The following NDUFAF6 variants were observed in gnomAD, a reference collection of about 807,000 sequenced individuals.
NDUFAF6 encodes NADH:ubiquinone oxidoreductase complex assembly factor 6, also known as NADH dehydrogenase (ubiquinone) complex I, assembly factor 6.
In NDUFAF6, 45 loss-of-function variants were observed where a neutral mutation model predicts 40.8. The ratio of observed to expected loss-of-function variants is 1.10; its 90% confidence interval spans 0.87 to 1.42. NDUFAF6 has a LOEUF of 1.42. NDUFAF6 is among the 40% of genes most tolerant of loss of function. The probability of loss-of-function intolerance (pLI) is 0.00; values close to 1 mark genes in which losing one functional copy is unlikely to be tolerated. For synonymous variants in NDUFAF6, 185 were observed against 155.9 expected, an observed-to-expected ratio of 1.19 and a Z score of -1.39; for missense variants, 435 against 418.5, an observed-to-expected ratio of 1.04 and a Z score of -0.34.
chr8:94,920,208 C>T (rs1221837148), intron 1 of NDUFAF6, among the ~76,000 whole-genome samples: 7 of 152,168 alleles, frequency 4.6e-5, no homozygotes, highest in Admixed American at 2.6e-4. Context: ...GGATATAACT[C>T]GGTGTCTTGG....
At chr8:95,035,685 T>A in intron 3 of NDUFAF6, 109 bp downstream of exon 3, 1 of 1,122,498 alleles carries the variant, frequency 8.9e-7, no homozygotes, top group East Asian at 2.6e-5. Context: ...ATTCTGAAAA[T>A]ATTCTTAGGC....
downstream of NDUFAF6, among the ~76,000 whole-genome samples, chr8:95,062,296 A>C (rs900767946): frequency 6.6e-6 from 1 of 152,194 alleles, no homozygotes; most frequent in Admixed American, 6.5e-5. Context: ...AGGCAAAATC[A>C]TATCAACCTC....
At chr8:94,953,160 C>G (rs890270910), upstream of NDUFAF6, among the ~76,000 whole-genome samples, 4 of 152,076 alleles carry the variant, frequency 2.6e-5, no homozygotes, top group African/African-American at 9.7e-5. Flanking sequence ...CCAGCCTGAC[C>G]AACATGGAGA....
At chr8:95,040,939 C>T (rs1830078294) in intron 3 of NDUFAF6, 1 of 152,242 alleles carries the variant, frequency 6.6e-6, no homozygotes. Context: ...TGAGCTCTTT[C>T]CTACTGGAGT....
upstream of NDUFAF6, chr8:95,024,875 T>C (rs973960136): frequency 1.6e-5 from 12 of 767,108 alleles, no homozygotes; most frequent in Middle Eastern, 4.3e-4. Context: ...CAGCGACACC[T>C]GGCTCTTCTT....
At chr8:95,015,484 T>C (rs763551687) in intron 2 of NDUFAF6, among the ~76,000 whole-genome samples, 1 of 152,182 alleles carries the variant, frequency 6.6e-6, no homozygotes, top group Non-Finnish European at 1.5e-5. Context: ...CAGGGAACAA[T>C]ACCTAATAGT....
intron 9 of NDUFAF6, chr8:95,068,235 T>A (rs1832750129): frequency 2.0e-5 from 3 of 151,946 alleles, no homozygotes; most frequent in Admixed American, 1.3e-4. Context: ...CAGCATCTTC[T>A]TATGCATGTT....
intron 1 of NDUFAF6, among the ~76,000 whole-genome samples, chr8:94,918,932 G>A (rs986694354): frequency 6.6e-6 from 1 of 152,174 alleles, no homozygotes; most frequent in Non-Finnish European, 1.5e-5. Flanking sequence ...AAAACCTTTA[G>A]GCCACGGTGT....
intron 1 of NDUFAF6, chr8:94,896,724 C>T (rs1817628626): frequency 6.6e-6 from 1 of 152,088 alleles, no homozygotes; most frequent in South Asian, 2.1e-4. Context: ...GCCCGGCGAC[C>T]CCCGCTCCCG....
At chr8:95,026,157 T>C (rs1371855919) in intron 1 of NDUFAF6, among the ~76,000 whole-genome samples, 1 of 152,174 alleles carries the variant, frequency 6.6e-6, no homozygotes, top group Non-Finnish European at 1.5e-5. Flanking sequence ...TTTCAGTGTT[T>C]TGTTTATAAT....
intron 1 of NDUFAF6, among the ~76,000 whole-genome samples, chr8:94,931,900 G>C (rs541134548): frequency 6.6e-6 from 1 of 152,202 alleles, no homozygotes; most frequent in African/African-American, 2.4e-5. Context: ...TGAATCTGGG[G>C]GGTGGAGGCT....
upstream of NDUFAF6, among the ~76,000 whole-genome samples, chr8:95,098,877 G>A (rs886816780): frequency 1.3e-5 from 2 of 151,946 alleles, no homozygotes; most frequent in East Asian, 1.9e-4. Flanking sequence ...CGCCAAGATC[G>A]CCCCACTACA....
At chr8:95,070,410 ACCAGG>A (rs1178880943) in intron 9 of NDUFAF6, among the ~76,000 whole-genome samples, 3 of 152,164 alleles carry the variant, frequency 2.0e-5, no homozygotes, top group Non-Finnish European at 4.4e-5. Flanking sequence ...TTCAGAGAAA[ACCAGG>A]TCACTAGATT....
chr8:94,934,899 T>C (rs1820805782), intron 1 of NDUFAF6, among the ~76,000 whole-genome samples: 2 of 152,176 alleles, frequency 1.3e-5, no homozygotes, highest in South Asian at 4.1e-4. Flanking sequence ...ACCCATGACC[T>C]TACCTAGGAT....
chr8:95,114,119 C>A (rs944318786), intron 4 of NDUFAF6, among the ~76,000 whole-genome samples: 16 of 150,946 alleles, frequency 1.1e-4, no homozygotes, highest in Non-Finnish European at 2.1e-4. Flanking sequence ...AACTAACCTG[C>A]ACAATATGCA....
chr8:94,954,149 G>GC (rs11396740), upstream of NDUFAF6, among the ~76,000 whole-genome samples: 71,057 of 151,934 alleles, frequency 0.47, 17,599 homozygotes, highest in East Asian at 0.72. Context: ...TACAACCTCC[G>GC]CCCCCCGGGT....
chr8:95,043,164 A>C (rs943117582), intron 4 of NDUFAF6, among the ~76,000 whole-genome samples: 19 of 149,396 alleles, frequency 1.3e-4, no homozygotes, highest in African/African-American at 4.7e-4. Flanking sequence ...GGCTCACTGC[A>C]ATCTCCGCCT....
chr8:94,914,742 C>G (rs887082250), intron 1 of NDUFAF6, among the ~76,000 whole-genome samples: 2 of 152,070 alleles, frequency 1.3e-5, no homozygotes, highest in Admixed American at 1.3e-4. Context: ...CATGGTGAAA[C>G]CCCGTCTCTA....
At chr8:94,987,308 C>T (rs546024899) in intron 2 of NDUFAF6, among the ~76,000 whole-genome samples, 1 of 152,300 alleles carries the variant, frequency 6.6e-6, no homozygotes, top group South Asian at 2.1e-4. Flanking sequence ...CCCTCCAAAG[C>T]AGAGGGGCAG....
Sources: allele counts gnomAD v4.1 joint callset (sites outside exome capture counted in the v4.1 genomes callset), GRCh38; gene constraint gnomAD v4.1.1; transcripts MANE v1.5; gene names NCBI Gene and HGNC (gene_info 2026-07-23, HGNC 2026-07-21).